Variants in UBE3C observed in about 807,000 individuals in gnomAD.
The protein encoded by UBE3C is ubiquitin-protein ligase E3C.
Under a neutral mutation model 129.4 loss-of-function variants are expected in UBE3C, and 42 were observed. The observed-to-expected ratio is 0.32, with a 90% CI of 0.25 to 0.42. The LOEUF (loss-of-function observed/expected upper bound fraction) is 0.42. UBE3C is among the 10% of genes least tolerant of loss of function. The probability of loss-of-function intolerance (pLI) is 1.00; values close to 1 mark genes in which losing one functional copy is unlikely to be tolerated. For synonymous variants in UBE3C, 510 were observed against 492.4 expected, an observed-to-expected ratio of 1.04 and a Z score of -0.47; for missense variants, 1,049 against 1,319.1, an observed-to-expected ratio of 0.80 and a Z score of 3.17.
intron 2 of UBE3C, chr7:157,164,416 A>G (rs1013272490): frequency 1.3e-5 from 6 of 456,404 alleles, no homozygotes; most frequent in Admixed American, 2.4e-5. Flanking sequence ...CATTTTCCCA[A>G]AGTGTTGGGA....
chr7:157,191,787 G>A (rs564756811), intron 10 of UBE3C, among the ~76,000 whole-genome samples: 1 of 152,264 alleles, frequency 6.6e-6, no homozygotes, highest in African/African-American at 2.4e-5. Flanking sequence ...CATTGTATGT[G>A]TAGAATTAAA....
In UBE3C at chr7:157,179,164, G is replaced by A. The variant is rs191802902; in HGVS notation, c.616+317G>A. ...GATTGGTGTCTGCAGTGCAGCTGCC[G>A]GTCCTTCACCTGACCAGGAAGGGCT... is the stretch of plus-strand genomic sequence containing the variant. On this transcript the variant is annotated intron_variant, in intron 6 of 22. Coordinates refer to ENST00000348165, the MANE Select transcript of UBE3C (RefSeq NM_014671.3). Among the ~76,000 whole-genome samples, 4 of 151,872 alleles carry A rather than the reference G, an allele frequency of 2.6e-5. No individual in the cohort carries two copies. In the East Asian group the frequency reaches 5.8e-4, roughly 22 times the overall value.
chr7:157,171,257 G>A (rs532334451), intron 4 of UBE3C, among the ~76,000 whole-genome samples: 1 of 151,978 alleles, frequency 6.6e-6, no homozygotes, highest in South Asian at 2.1e-4. Context: ...CACCTAAGTA[G>A]CTGGAATTAC....
intron 19 of UBE3C, among the ~76,000 whole-genome samples, chr7:157,250,730 C>T (rs984159269): frequency 6.6e-6 from 1 of 152,016 alleles, no homozygotes; most frequent in Non-Finnish European, 1.5e-5. Flanking sequence ...GATAATTTGG[C>T]GGGGGGGCTG....
intron 4 of UBE3C, 30 bp downstream of exon 4, chr7:157,170,480 T>C: frequency 6.7e-7 from 1 of 1,498,626 alleles, no homozygotes; most frequent in Non-Finnish European, 8.9e-7. Context: ...TCACTTGTCC[T>C]CGTTTACACG....
At chr7:157,139,843 G>A (rs1444725585) in intron 1 of UBE3C, among the ~76,000 whole-genome samples, 1 of 152,258 alleles carries the variant, frequency 6.6e-6, no homozygotes, top group East Asian at 1.9e-4. Flanking sequence ...GGTTGTAGAA[G>A]GTGAACGGCA....
chr7:157,139,372 G>T, intron 1 of UBE3C, 34 bp downstream of exon 1: 2 of 1,537,784 alleles, frequency 1.3e-6, no homozygotes, highest in Non-Finnish European at 1.7e-6. Context: ...CCCTCGGCTC[G>T]GGGCCTGCGC....
chr7:157,182,330 T>A lies in UBE3C; in HGVS notation c.991+2T>A. 1 of 1,612,910 alleles carries A rather than the reference T, an allele frequency of 6.2e-7. No individual in the cohort carries two copies. Among genetic ancestry groups the A allele is most frequent in the Non-Finnish European group, 8.5e-7 (1 of 1,179,716 alleles). On this transcript the variant is annotated splice_donor_variant, in intron 8 of 22. Coordinates refer to ENST00000348165, the MANE Select transcript of UBE3C (RefSeq NM_014671.3). LOFTEE classifies it high-confidence loss of function. ...TAACTGTTGGCGAAAATTATTTGGG[T>A]ATGAAATACAAGATCTTTTTTACCT...
At chr7:157,159,181 G>C (rs1263894733) in intron 1 of UBE3C, among the ~76,000 whole-genome samples, 1 of 152,082 alleles carries the variant, frequency 6.6e-6, no homozygotes, top group Admixed American at 6.6e-5. Flanking sequence ...ACATCTTTGT[G>C]GAGTCAAACT....
In UBE3C at chr7:157,211,538, T is replaced by G. The variant is rs763464597; in HGVS notation, c.1809+3603T>G. Among the ~76,000 whole-genome samples the G allele has an allele frequency of 1.2e-4, 18 of 152,290 alleles. No individual in the cohort carries two copies. The Middle Eastern group carries it at 0.01, about 86-fold the overall frequency. On this transcript the variant is annotated intron_variant, in intron 13 of 22. Transcript: ENST00000348165. ...GTTTGTGCCAGAGGTTGCGAATTTT[T>G]TGTGTGAAAAATCAGGCCTTGGCAA...
At chr7:157,171,887 A>C (rs1033093868) in intron 4 of UBE3C, among the ~76,000 whole-genome samples, 4 of 149,236 alleles carry the variant, frequency 2.7e-5, no homozygotes, top group Non-Finnish European at 6.0e-5. Context: ...TTGTATTTTT[A>C]GTGGAGATGG....
At chr7:157,173,528 T>C (rs558183956) in intron 4 of UBE3C, among the ~76,000 whole-genome samples, 1 of 152,330 alleles carries the variant, frequency 6.6e-6, no homozygotes, top group East Asian at 1.9e-4. Context: ...AATCAACATA[T>C]ATGGCTATTT....
intron 17 of UBE3C, among the ~76,000 whole-genome samples, chr7:157,226,563 T>G (rs1795885342): frequency 6.6e-6 from 1 of 152,220 alleles, no homozygotes; most frequent in Admixed American, 6.5e-5. Flanking sequence ...GAAATGACAA[T>G]TGCCTTTTCC....
intron 1 of UBE3C, among the ~76,000 whole-genome samples, chr7:157,141,032 T>G (rs1050896700): frequency 1.3e-5 from 2 of 152,202 alleles, no homozygotes; most frequent in Admixed American, 6.5e-5. Context: ...AGGAGCATGC[T>G]ACAATTGGCC....
intron 8 of UBE3C, among the ~76,000 whole-genome samples, chr7:157,183,090 G>A (rs1331094974): frequency 6.6e-6 from 1 of 152,152 alleles, no homozygotes; most frequent in Non-Finnish European, 1.5e-5. Flanking sequence ...GAAAAATTCT[G>A]TGAGCAGAAA....
At chr7:157,230,071 G>C (rs1279391431) in intron 17 of UBE3C, among the ~76,000 whole-genome samples, 1 of 151,652 alleles carries the variant, frequency 6.6e-6, no homozygotes, top group Non-Finnish European at 1.5e-5. Flanking sequence ...ACCTTGCCTG[G>C]CTAGTTTTTA....
At chr7:157,196,134 G>A (rs1586680112) in intron 10 of UBE3C, among the ~76,000 whole-genome samples, 1 of 152,142 alleles carries the variant, frequency 6.6e-6, no homozygotes, top group East Asian at 1.9e-4. Flanking sequence ...AAACAGTGCT[G>A]GTTTTTAAGA....
At chr7:157,223,784 G>C (rs997511871) in intron 16 of UBE3C, among the ~76,000 whole-genome samples, 2 of 152,114 alleles carry the variant, frequency 1.3e-5, no homozygotes, top group Non-Finnish European at 2.9e-5. Flanking sequence ...GTTGGGCGTG[G>C]TGGCATGTAC....
intron 13 of UBE3C, among the ~76,000 whole-genome samples, chr7:157,209,718 A>G (rs1809537226): frequency 6.6e-6 from 1 of 152,234 alleles, no homozygotes; most frequent in Non-Finnish European, 1.5e-5. Context: ...TTTCCATGAC[A>G]GGCTTATCTT....
Sources: allele counts gnomAD v4.1 joint callset (sites outside exome capture counted in the v4.1 genomes callset), GRCh38; gene constraint gnomAD v4.1.1; transcripts MANE v1.5; gene names NCBI Gene and HGNC (gene_info 2026-07-23, HGNC 2026-07-21).